IL1RAPL1: variants seen among roughly 807,000 people sequenced by gnomAD.
IL1RAPL1 encodes the protein interleukin 1 receptor accessory protein like 1, also known as interleukin-1 receptor accessory protein-like 1.
In IL1RAPL1, 3 loss-of-function variants were observed where a neutral mutation model predicts 48.4. The observed-to-expected ratio is 0.06, with a 90% CI of 0.03 to 0.16. The LOEUF (loss-of-function observed/expected upper bound fraction) is 0.16, where lower values mean the gene tolerates loss of function less well. Among genes scored for constraint, IL1RAPL1 ranks in the 10% least tolerant of loss-of-function variants. IL1RAPL1 has a pLI of 1.00. For synonymous variants in IL1RAPL1, 185 were observed against 187.7 expected, an observed-to-expected ratio of 0.99 and a Z score of 0.12; for missense variants, 349 against 530.6, an observed-to-expected ratio of 0.66 and a Z score of 3.36.
intron 3 of IL1RAPL1, among the ~76,000 whole-genome samples, chrX:29,295,504 C>A (rs559723891): frequency 1.4e-3 from 162 of 112,024 alleles, no homozygotes; most frequent in Non-Finnish European, 2.4e-3. Context: ...TCTTATTACA[C>A]ATATATGATC....
intron 1 of IL1RAPL1, among the ~76,000 whole-genome samples, chrX:28,747,528 C>T (rs191837868): frequency 3.9e-4 from 43 of 111,009 alleles, no homozygotes; most frequent in East Asian, 2.8e-3. Context: ...GTAATCCCAG[C>T]GACTCGGGAG....
At chrX:29,879,357 ATGTGTGTGTG>A (rs370851302) in intron 6 of IL1RAPL1, among the ~76,000 whole-genome samples, 25 of 83,981 alleles carry the variant, frequency 3.0e-4, no homozygotes, top group African/African-American at 6.5e-4. Flanking sequence ...AGTTTTATAT[ATGTGTGTGTG>A]TGTGTGTGTG....
chrX:29,256,303 G>A (rs1048816965), intron 2 of IL1RAPL1, among the ~76,000 whole-genome samples: 1 of 110,622 alleles, frequency 9.0e-6, no homozygotes, highest in Admixed American at 9.7e-5. Flanking sequence ...ACAAAGGATT[G>A]CTGGCTGCTT....
chrX:29,147,322 A>G (rs554421390), intron 2 of IL1RAPL1, among the ~76,000 whole-genome samples: 2 of 112,208 alleles, frequency 1.8e-5, no homozygotes, highest in South Asian at 7.5e-4. Context: ...GTAGAGATTT[A>G]TGTTTTATTT....
At chrX:29,263,399 A>G (rs1181712248) in intron 2 of IL1RAPL1, among the ~76,000 whole-genome samples, 2 of 112,222 alleles carry the variant, frequency 1.8e-5, no homozygotes, top group African/African-American at 6.5e-5. Context: ...GTTGAAGCAG[A>G]AAGTGTTTGT....
At chrX:28,875,611 G>A (rs376298485) in intron 2 of IL1RAPL1, among the ~76,000 whole-genome samples, 11 of 111,489 alleles carry the variant, frequency 9.9e-5, no homozygotes, top group African/African-American at 3.6e-4. Flanking sequence ...TGGGATGGGA[G>A]GTCTTTGGAT....
intron 3 of IL1RAPL1, among the ~76,000 whole-genome samples, chrX:29,351,869 C>T (rs1338122747): frequency 1.8e-5 from 2 of 111,287 alleles, no homozygotes; most frequent in Non-Finnish European, 3.8e-5. Context: ...ATTCCATTAC[C>T]CATTTGTCAT....
At chrX:28,623,077 G>T (rs1053741968) in intron 1 of IL1RAPL1, among the ~76,000 whole-genome samples, 2 of 111,132 alleles carry the variant, frequency 1.8e-5, no homozygotes, top group African/African-American at 6.5e-5. Flanking sequence ...AACTTCAAGT[G>T]AAATTAATTA....
At chrX:29,442,339 G>A (rs971420608) in intron 5 of IL1RAPL1, among the ~76,000 whole-genome samples, 2 of 109,192 alleles carry the variant, frequency 1.8e-5, no homozygotes, top group Non-Finnish European at 3.8e-5. Context: ...AATGGTGCTG[G>A]GATAATTGGG....
At chrX:29,951,723 TGAA>T (rs1933323798) in intron 9 of IL1RAPL1, among the ~76,000 whole-genome samples, 2 of 111,935 alleles carry the variant, frequency 1.8e-5, no homozygotes, top group African/African-American at 6.5e-5. Context: ...AAATAAAAGA[TGAA>T]GAACACAGCT....
intron 6 of IL1RAPL1, among the ~76,000 whole-genome samples, chrX:29,748,843 C>T (rs1409332347): frequency 9.4e-6 from 1 of 106,284 alleles, no homozygotes; most frequent in East Asian, 3.0e-4. Context: ...GGGTCCAAAA[C>T]CTAGGTTTTT....
chrX:29,358,977 C>T (rs1221632037), intron 3 of IL1RAPL1, among the ~76,000 whole-genome samples: 5 of 109,030 alleles, frequency 4.6e-5, no homozygotes, highest in South Asian at 4.0e-4. Flanking sequence ...GCCGAGATCA[C>T]GCATCACTGC....
At chrX:28,779,810 T>A (rs1936402116) in intron 1 of IL1RAPL1, among the ~76,000 whole-genome samples, 1 of 105,895 alleles carries the variant, frequency 9.4e-6, no homozygotes, top group Non-Finnish European at 1.9e-5. Context: ...GAATGTAGTA[T>A]TAAGTAAATT....
intron 6 of IL1RAPL1, among the ~76,000 whole-genome samples, chrX:29,891,664 A>T (rs954874862): frequency 8.0e-5 from 9 of 111,912 alleles, no homozygotes; most frequent in African/African-American, 2.9e-4. Flanking sequence ...ATTAAAATAA[A>T]AATCTTTGCT....
intron 3 of IL1RAPL1, among the ~76,000 whole-genome samples, chrX:29,354,738 G>A (rs903150723): frequency 1.9e-4 from 21 of 112,354 alleles, no homozygotes; most frequent in East Asian, 2.8e-4. Context: ...ACCATCATAA[G>A]TCCAGGATTA....
At chrX:29,825,879 A>G (rs1930726105) in intron 6 of IL1RAPL1, among the ~76,000 whole-genome samples, 1 of 111,560 alleles carries the variant, frequency 9.0e-6, no homozygotes, top group Non-Finnish European at 1.9e-5. Context: ...GAAACAAAAC[A>G]GGCCAGATTT....
chrX:29,176,068 T>C (rs960143853), intron 2 of IL1RAPL1, among the ~76,000 whole-genome samples: 1 of 103,170 alleles, frequency 9.7e-6, no homozygotes, highest in African/African-American at 3.5e-5. Context: ...AGGTCTGGGG[T>C]AGAGTTTGGT....
chrX:29,400,725 T>G (rs937071545), intron 5 of IL1RAPL1, among the ~76,000 whole-genome samples: 1 of 112,316 alleles, frequency 8.9e-6, no homozygotes, highest in Admixed American at 9.4e-5. Context: ...TTAAGGTATC[T>G]GGCTATACTT....
At chrX:29,145,146 C>T (rs1021629420) in intron 2 of IL1RAPL1, among the ~76,000 whole-genome samples, 4 of 111,846 alleles carry the variant, frequency 3.6e-5, no homozygotes, top group Non-Finnish European at 7.5e-5. Flanking sequence ...TTGTGCTTGT[C>T]TGAAATGAGC....
Sources: gnomAD v4.1 joint callset for allele counts (sites outside exome capture counted in the v4.1 genomes callset) on GRCh38, gnomAD v4.1.1 for gene constraint, MANE v1.5 for transcripts, NCBI Gene and HGNC (gene_info 2026-07-23, HGNC 2026-07-21) for gene names.